The following DENND10 variants were observed in gnomAD, a reference collection of about 807,000 sequenced individuals.
The protein encoded by DENND10 is DENN domain containing 10, also known as DENN domain-containing protein 10.
A neutral mutation model predicts 43.6 loss-of-function variants in DENND10; 24 were observed. That is an observed-to-expected ratio of 0.55 (90% CI 0.40 to 0.77). The LOEUF is 0.77. Ranked by LOEUF, DENND10 falls within the 30% of genes least tolerant of loss-of-function variation. DENND10 has a pLI of 0.00. For synonymous variants in DENND10, 125 were observed against 157.6 expected (o/e 0.79, Z 1.55); for missense variants, 303 against 429.9 (o/e 0.70, Z 2.61).
chr10:119,105,591 G>A (rs763485765), intron 1 of DENND10: 63 of 900,354 alleles, frequency 7.0e-5, no homozygotes, highest in Non-Finnish European at 8.4e-5. Context: ...TTGAACTAAG[G>A]CTAAGTTAAA....
intron 6 of DENND10, among the ~76,000 whole-genome samples, chr10:119,127,201 G>C (rs970127508): frequency 6.6e-6 from 1 of 152,016 alleles, no homozygotes; most frequent in African/African-American, 2.4e-5. Context: ...ACTGTGCCTG[G>C]CCTAAACATT....
intron 2 of DENND10, among the ~76,000 whole-genome samples, chr10:119,111,184 C>A (rs945706797): frequency 1.4e-5 from 2 of 147,324 alleles, no homozygotes; most frequent in African/African-American, 5.0e-5. Context: ...ATGAGAATTG[C>A]TTGAACCCGG....
At chr10:119,125,460 T>C (rs1274464270) in intron 6 of DENND10, among the ~76,000 whole-genome samples, 1 of 151,768 alleles carries the variant, frequency 6.6e-6, no homozygotes, top group East Asian at 1.9e-4. Flanking sequence ...GCATTTATGA[T>C]TTCTTTGTGT....
chr10:119,125,013 C>T (rs1167371473), intron 6 of DENND10, among the ~76,000 whole-genome samples: 1 of 151,428 alleles, frequency 6.6e-6, no homozygotes, highest in Admixed American at 6.6e-5. Flanking sequence ...TTCTTGTTGT[C>T]CAGGCTGGAG....
At chr10:119,109,655 G>A (rs1285655775) in intron 2 of DENND10, among the ~76,000 whole-genome samples, 1 of 146,690 alleles carries the variant, frequency 6.8e-6, no homozygotes, top group Non-Finnish European at 1.5e-5. Flanking sequence ...TTTTGCTCTT[G>A]TTGCCCGGGC....
At chr10:119,120,626 A>C (rs1279369365) in intron 5 of DENND10, among the ~76,000 whole-genome samples, 174 bp downstream of exon 5, 1 of 152,222 alleles carries the variant, frequency 6.6e-6, no homozygotes, top group East Asian at 1.9e-4. Flanking sequence ...ACTGATTTGG[A>C]CTATTTATGA....
chr10:119,112,828 A>G (rs924501915), intron 3 of DENND10, among the ~76,000 whole-genome samples: 2 of 148,922 alleles, frequency 1.3e-5, no homozygotes, highest in African/African-American at 4.9e-5. Context: ...CTTAATGATG[A>G]AGGCTTTTGC....
rs1204239338 is a variant in DENND10, at chr10:119,137,194, AAGG to A, written c.*548_*550del. The A allele has an allele frequency of 1.3e-5, 2 of 159,228 alleles. No homozygotes were observed. Among genetic ancestry groups the A allele is most frequent in the East Asian group, 2.0e-4 (1 of 5,030 alleles). The allele number at this position is 159,228 out of a possible 1,614,324, so 9.9% of individuals were successfully genotyped here. On this transcript the variant is annotated 3_prime_UTR_variant, in exon 9 of 9. Coordinates refer to ENST00000361432, the MANE Select transcript of DENND10 (RefSeq NM_207009.4). ...AAGTTAAAAAAAAAAAAAAAAAAAA[AAGG>A]TTTTTCCCGGCCTTTGAACATTTTG...
At chr10:119,106,654 C>T (rs563360214) in intron 1 of DENND10, among the ~76,000 whole-genome samples, 6 of 152,304 alleles carry the variant, frequency 3.9e-5, no homozygotes, top group Non-Finnish European at 5.9e-5. Context: ...ATTTTAAATA[C>T]AAAATTCACA....
At chr10:119,111,791 AAAAATT>A (rs1187927071) in intron 2 of DENND10, 52 bp from the exon 3 acceptor site, 5 of 1,335,396 alleles carry the variant, frequency 3.7e-6, no homozygotes, top group African/African-American at 1.5e-5. Flanking sequence ...ATATAGTAAT[AAAAATT>A]CTGCTAAAGT....
intron 8 of DENND10, among the ~76,000 whole-genome samples, chr10:119,135,816 A>AAAAAAAAAAAAAAAC (rs869244867): frequency 7.8e-6 from 1 of 127,588 alleles, no homozygotes; most frequent in East Asian, 2.3e-4. Flanking sequence ...AAAAAAAAAA[A>AAAAAAAAAAAAAAAC]CCAAAACCAC....
chr10:119,122,729 A>T (rs11814924), intron 5 of DENND10, among the ~76,000 whole-genome samples: 8,437 of 152,210 alleles, frequency 0.055, 597 homozygotes, highest in African/African-American at 0.16. Flanking sequence ...TCTTAGGGAA[A>T]CAAACACACT....
At chr10:119,135,631 G>A (rs1180747164) in intron 8 of DENND10, among the ~76,000 whole-genome samples, 2 of 151,846 alleles carry the variant, frequency 1.3e-5, no homozygotes, top group African/African-American at 2.4e-5. Context: ...GCAGAATAGA[G>A]GTTCCCAGGG....
intron 7 of DENND10, among the ~76,000 whole-genome samples, chr10:119,130,873 C>T (rs1018932162): frequency 3.3e-5 from 5 of 152,306 alleles, no homozygotes; most frequent in East Asian, 1.9e-4. Flanking sequence ...AGTCACAGTG[C>T]GTTTTATAAT....
intron 6 of DENND10, among the ~76,000 whole-genome samples, chr10:119,124,193 CAAAA>C (rs200369563): frequency 8.8e-6 from 1 of 113,318 alleles, no homozygotes; most frequent in Non-Finnish European, 1.9e-5. Context: ...AACTCCGTCT[CAAAA>C]AAAAAAAAAA....
chr10:119,104,327 G>A (rs1844576243), intron 1 of DENND10, 130 bp downstream of exon 1: 3 of 843,228 alleles, frequency 3.6e-6, no homozygotes, highest in Non-Finnish European at 5.3e-6. Flanking sequence ...CCCCCTCCCT[G>A]TTGGGCCTGG....
chr10:119,137,238 CAT>C lies in DENND10; in HGVS notation c.*596_*597del, dbSNP rs1471095869. On this transcript the variant is annotated 3_prime_UTR_variant, in exon 9 of 9. Coordinates refer to ENST00000361432, the MANE Select transcript of DENND10 (RefSeq NM_207009.4). ...GAACATTTTGCCTATGAGAGTTTTG[CAT>C]ATATTTTATACTTGAGTAGACAACT... 2 of 156,024 alleles carry C rather than the reference CAT, an allele frequency of 1.3e-5. No homozygotes were observed. Among genetic ancestry groups the C allele is most frequent in the East Asian group, 4.1e-4 (2 of 4,824 alleles). 9.7% of individuals were successfully genotyped at this position (156,024 alleles called of 1,614,324 possible).
chr10:119,108,116 G>C lies in DENND10; in HGVS notation c.204G>C (p.Trp68Cys). Residue 68 changes from tryptophan (W) to cysteine (C), a missense_variant, in exon 2 of 9, where the codon TGG (tryptophan) becomes TGC (cysteine). Transcript: ENST00000361432. ...PFVFGQYRRT[W>C]FYITTIEVPD... is the part of the protein sequence containing the mutation. Reference sequence around the variant, plus strand: ...TCTTTGGTCAGTACAGAAGAACATGGTTTTATATCACAACAATTGAAGTTC... The same window carrying C: ...TCTTTGGTCAGTACAGAAGAACATGCTTTTATATCACAACAATTGAAGTTC... 1.2e-6 allele frequency: 2 copies of C among 1,613,818 alleles called. No homozygotes were observed. The highest frequency in any genetic ancestry group is 1.7e-6 in the Non-Finnish European group (2 of 1,179,838).
intron 1 of DENND10, chr10:119,105,504 C>T: frequency 8.5e-7 from 1 of 1,174,456 alleles, no homozygotes; most frequent in Non-Finnish European, 1.1e-6. Flanking sequence ...AGGTGGATTA[C>T]TGTATTTATT....
Sources: gnomAD v4.1 joint callset for allele counts (sites outside exome capture counted in the v4.1 genomes callset) on GRCh38, gnomAD v4.1.1 for gene constraint, MANE v1.5 for transcripts, NCBI Gene and HGNC (gene_info 2026-07-23, HGNC 2026-07-21) for gene names.